Variants in MFAP5 observed in about 807,000 individuals in gnomAD.
MFAP5 encodes the protein microfibril associated protein 5, also known as microfibrillar-associated protein 5.
In MFAP5, 19 loss-of-function variants were observed where a neutral mutation model predicts 30.1. That is an observed-to-expected ratio of 0.63 (90% CI 0.44 to 0.93). The LOEUF (loss-of-function observed/expected upper bound fraction) is 0.93, where lower values mean the gene tolerates loss of function less well. Ranked by LOEUF, MFAP5 falls within the 40% of genes least tolerant of loss-of-function variation. MFAP5 has a pLI of 0.00. For synonymous variants in MFAP5, 92 were observed against 72.9 expected (o/e 1.26, Z -1.33); for missense variants, 210 against 221.3 (o/e 0.95, Z 0.32).
intron 6 of MFAP5, among the ~76,000 whole-genome samples, chr12:8,652,716 C>T (rs1223492995): frequency 1.3e-5 from 2 of 152,202 alleles, no homozygotes; most frequent in East Asian, 1.9e-4. Context: ...CCAACCTCAT[C>T]TCTCTCCTAA....
chr12:8,660,448 A>G (rs983706879), intron 3 of MFAP5, among the ~76,000 whole-genome samples: 1 of 152,032 alleles, frequency 6.6e-6, no homozygotes, highest in South Asian at 2.1e-4. Context: ...CAGCCTCCCA[A>G]AGTGCTGGGA....
intron 6 of MFAP5, among the ~76,000 whole-genome samples, chr12:8,653,645 C>T (rs1023928535): frequency 2.6e-5 from 4 of 152,176 alleles, no homozygotes; most frequent in Admixed American, 6.5e-5. Context: ...CCCCCAGCAC[C>T]GAACCTAGTC....
chr12:8,651,841 C>G, intron 6 of MFAP5, 150 bp from the exon 7 acceptor site: 1 of 687,828 alleles, frequency 1.5e-6, no homozygotes, highest in Non-Finnish European at 2.5e-6. Flanking sequence ...AAAAGAAAAC[C>G]CTTATTGAGC....
chr12:8,656,206 G>A (rs774286774), intron 3 of MFAP5, among the ~76,000 whole-genome samples: 212 of 151,372 alleles, frequency 1.4e-3, no homozygotes, highest in African/African-American at 4.9e-3. Flanking sequence ...GACTACAGGC[G>A]CCCGCCACAG....
At chr12:8,654,598 G>T in intron 5 of MFAP5, 117 bp from the exon 6 acceptor site, 2 of 931,852 alleles carry the variant, frequency 2.1e-6, no homozygotes, top group Non-Finnish European at 3.4e-6. Context: ...CTGGCTTTGT[G>T]TTTTATGTAT....
In MFAP5 at chr12:8,662,170, A is replaced by G. The variant is rs761364155; in HGVS notation, c.-2-64T>C. Reference sequence around the variant, plus strand: ...AGAGGCACATCAGCATTTCAGTGCCAGGGAAAGATGCCTCTGAGGTCCCTG... The same window carrying G: ...AGAGGCACATCAGCATTTCAGTGCCGGGGAAAGATGCCTCTGAGGTCCCTG... On this transcript the variant is annotated intron_variant, in intron 1 of 9. Transcript: ENST00000359478. The G allele has an allele frequency of 8.6e-5, 121 of 1,412,128 alleles. No homozygotes were observed. The East Asian group carries it at 2.5e-3, about 29-fold the overall frequency. The allele number at this position is 1,412,128 out of a possible 1,614,324, so 87.5% of individuals were successfully genotyped here. A position where few individuals can be genotyped will look rare whatever the true frequency, so the allele number is the denominator to read the frequency against.
At chr12:8,649,632 G>T (rs1941780329) in intron 8 of MFAP5, 58 bp from the exon 9 acceptor site, 1 of 1,412,628 alleles carries the variant, frequency 7.1e-7, no homozygotes, top group Non-Finnish European at 1.0e-6. Flanking sequence ...CTTGAGAGGA[G>T]AACTCACCTG....
At chr12:8,648,591 A>G in intron 9 of MFAP5, 1 of 1,213,294 alleles carries the variant, frequency 8.2e-7, no homozygotes, top group South Asian at 1.3e-5. Flanking sequence ...ATCATTCAGT[A>G]TACATTTACG....
intron 3 of MFAP5, 78 bp from the exon 4 acceptor site, chr12:8,655,908 C>A (rs1209122598): frequency 6.1e-6 from 8 of 1,305,896 alleles, no homozygotes; most frequent in South Asian, 1.2e-5. Flanking sequence ...AGTTAAATTG[C>A]GAAGCATAGT....
rs1046339189 is a variant in MFAP5 at position 8,647,419 on chromosome 12, G to C, written c.*672C>G. Reference sequence around the variant, plus strand: ...GCGAATTATGAGTCCAAGTTCTATAGCTGGCATAGTCCTCATGCTTTAGCC... The same window carrying C: ...GCGAATTATGAGTCCAAGTTCTATACCTGGCATAGTCCTCATGCTTTAGCC... On this transcript the variant is annotated 3_prime_UTR_variant, in exon 10 of 10. Transcript: ENST00000359478. The C allele has an allele frequency of 2.0e-5, 3 of 152,198 alleles. No homozygotes were observed. The allele number at this position is 152,198 out of a possible 1,614,324, so 9.4% of individuals were successfully genotyped here. A position where few individuals can be genotyped will look rare whatever the true frequency, so the allele number is the denominator to read the frequency against.
intron 5 of MFAP5, 66 bp from the exon 6 acceptor site, chr12:8,654,547 A>G (rs1390621504): frequency 2.7e-6 from 4 of 1,471,052 alleles, no homozygotes; most frequent in Middle Eastern, 3.4e-4. Flanking sequence ...CAGAGTAAGA[A>G]AAGGGAGAAT....
At chr12:8,661,150 T>C (rs751062382) in intron 2 of MFAP5, among the ~76,000 whole-genome samples, 2 of 152,152 alleles carry the variant, frequency 1.3e-5, no homozygotes, top group East Asian at 3.9e-4. Context: ...AAAAGACAAG[T>C]TCCTGAGAAC....
chr12:8,658,311 C>T (rs781226713), intron 3 of MFAP5, among the ~76,000 whole-genome samples: 162 of 152,210 alleles, frequency 1.1e-3, no homozygotes, highest in African/African-American at 3.8e-3. Flanking sequence ...GATCTTGCCA[C>T]TGCACTCCAG....
chr12:8,655,253 T>C (rs1041820935), intron 5 of MFAP5, among the ~76,000 whole-genome samples, 162 bp downstream of exon 5: 1 of 152,134 alleles, frequency 6.6e-6, no homozygotes, highest in Non-Finnish European at 1.5e-5. Flanking sequence ...GCCACTGCAC[T>C]CCAGCCTGGG....
chr12:8,648,353 A>G lies in MFAP5; in HGVS notation c.410-150T>C, dbSNP rs1052755909. On this transcript the variant is annotated intron_variant, in intron 9 of 9. Transcript: ENST00000359478. ...TTTAACCAGCTCTGCCACTTACTTT[A>G]GTTATTTGCCACTTCCTAGAAAGTT... is the stretch of plus-strand genomic sequence containing the variant. 1.8e-5 allele frequency: 16 copies of G among 885,954 alleles called. No individual in the cohort carries two copies. In the African/African-American group the frequency reaches 2.2e-4, roughly 12 times the overall value. The allele number at this position is 885,954 out of a possible 1,614,324, so 54.9% of individuals were successfully genotyped here. A position where few individuals can be genotyped will look rare whatever the true frequency, so the allele number is the denominator to read the frequency against.
At position 8,662,096 on chromosome 12, in the gene MFAP5, G is replaced by A. The variant is rs760158365; in HGVS notation, c.9C>T (p.Leu3=). MS[L]LGPKVLLFLA... is the part of the protein sequence containing the mutation. ...GAAACAGCAGCACCTTGGGTCCCAAGAGCGACATATCTATAGGGGTGGTGG... is the reference window on the plus strand; with the variant it reads ...GAAACAGCAGCACCTTGGGTCCCAAAAGCGACATATCTATAGGGGTGGTGG... The change falls in exon 2 of 10, where the codon CTC becomes CTT. Residue 3 remains leucine (L), a synonymous_variant. Coordinates refer to ENST00000359478, the MANE Select transcript of MFAP5 (RefSeq NM_003480.4). 6.2e-7 allele frequency: 1 copy of A among 1,613,676 alleles called. No individual in the cohort carries two copies. Among genetic ancestry groups the A allele is most frequent in the Admixed American group, 1.7e-5 (1 of 60,008 alleles).
intron 7 of MFAP5, 45 bp downstream of exon 7, chr12:8,651,617 A>G: frequency 4.4e-6 from 7 of 1,596,242 alleles, no homozygotes; most frequent in Non-Finnish European, 6.0e-6. Context: ...AGGAATCCAC[A>G]GGAAGAAAAA....
intron 5 of MFAP5, 43 bp downstream of exon 5, chr12:8,655,372 A>G: frequency 2.0e-6 from 3 of 1,510,158 alleles, no homozygotes; most frequent in Non-Finnish European, 2.7e-6. Context: ...GTGAATATTA[A>G]CAAGAACCAT....
chr12:8,653,736 T>TTTATTTG (rs1271268570), intron 6 of MFAP5, among the ~76,000 whole-genome samples: 1 of 152,228 alleles, frequency 6.6e-6, no homozygotes, highest in African/African-American at 2.4e-5. Flanking sequence ...AAGTTATCTG[T>TTTATTTG]TTATTTGTCT....
Sources: allele counts gnomAD v4.1 joint callset (sites outside exome capture counted in the v4.1 genomes callset), GRCh38; gene constraint gnomAD v4.1.1; transcripts MANE v1.5; gene names NCBI Gene and HGNC (gene_info 2026-07-23, HGNC 2026-07-21).